Variants in SMYD1 observed in about 807,000 individuals in gnomAD.
SMYD1 encodes histone-lysine N-methyltransferase SMYD1.
In SMYD1, 49 loss-of-function variants were observed where a neutral mutation model predicts 54.0. The observed-to-expected ratio is 0.91, with a 90% CI of 0.72 to 1.15. The LOEUF (loss-of-function observed/expected upper bound fraction) is 1.15, where lower values mean the gene tolerates loss of function less well. SMYD1 is among the 50% of genes most tolerant of loss of function. The pLI is 0.00. For missense variants in SMYD1, 653 were observed against 639.6 expected (o/e 1.02, Z -0.23); for synonymous variants, 269 against 234.2 (o/e 1.15, Z -1.36).
At chr2:88,071,274 C>T (rs1320551212) in intron 1 of SMYD1, among the ~76,000 whole-genome samples, 3 of 152,104 alleles carry the variant, frequency 2.0e-5, no homozygotes, top group Non-Finnish European at 4.4e-5. Flanking sequence ...ATTACTAGGC[C>T]AGTAATATAT....
Position 88,096,655 on chromosome 2 carries a change from T to G in SMYD1, c.759T>G (p.Ile253Met). Residue 253 changes from isoleucine to methionine, a missense_variant, in exon 6 of 10, where the codon ATT becomes ATG. Coordinates refer to ENST00000419482, the MANE Select transcript of SMYD1 (RefSeq NM_198274.4). ...SEGEELTVSY[I>M]DFLNVSEERK... Reference sequence around the variant, plus strand: ...GAGAGGAGCTGACTGTGTCCTATATTGACTTCCTCAACGTTAGTGAAGAAC... The same window carrying G: ...GAGAGGAGCTGACTGTGTCCTATATGGACTTCCTCAACGTTAGTGAAGAAC... The G allele has an allele frequency of 6.2e-7, 1 of 1,613,764 alleles. No homozygotes were observed. The highest frequency in any genetic ancestry group is 8.5e-7 in the Non-Finnish European group (1 of 1,179,834).
chr2:88,110,378 G>A lies in SMYD1; in HGVS notation c.1339G>A (p.Glu447Lys). ...LEAMRVQTEM[E>K]LRMFRQNEFM... ...GGCCATGCGGGTGCAGACGGAGATG[G>A]AGCTACGCATGTTCCGCCAGAACGA... The change falls in exon 10 of 10, where the codon GAG (glutamate) becomes AAG (lysine). Residue 447 changes from glutamate (E) to lysine (K), a missense_variant. Physicochemically the swap from Glu to Lys is moderately conservative, Grantham distance 56. Coordinates refer to ENST00000419482, the MANE Select transcript of SMYD1 (RefSeq NM_198274.4). 1 of 1,612,914 alleles carries A rather than the reference G, an allele frequency of 6.2e-7. No homozygotes were observed. The highest frequency in any genetic ancestry group is 1.1e-5 in the South Asian group (1 of 90,602).
At chr2:88,094,564 T>TCC (rs1048164456) in intron 5 of SMYD1, among the ~76,000 whole-genome samples, 3 of 152,128 alleles carry the variant, frequency 2.0e-5, no homozygotes, top group African/African-American at 4.8e-5. Flanking sequence ...TCCATTCCCC[T>TCC]CCCCCAATCT....
chr2:88,074,022 G>GGAAAGAGAGA (rs1323243489), intron 1 of SMYD1, among the ~76,000 whole-genome samples: 1 of 152,146 alleles, frequency 6.6e-6, no homozygotes, highest in Non-Finnish European at 1.5e-5. Flanking sequence ...AGGGAGGGAA[G>GGAAAGAGAGA]GAAAGAGAGA....
chr2:88,111,550 T>C lies in SMYD1; in HGVS notation c.*1038T>C, dbSNP rs1675022182. On this transcript the variant is annotated 3_prime_UTR_variant, in exon 10 of 10. Coordinates refer to ENST00000419482, the MANE Select transcript of SMYD1 (RefSeq NM_198274.4). ...AAGCTCCATTCTCAATACTGAATAA[T>C]TATTACTTCCCTTGTTGAGTTTCTT... 1 of 154,402 alleles carries C rather than the reference T, an allele frequency of 6.5e-6. No homozygotes were observed. Among genetic ancestry groups the C allele is most frequent in the African/African-American group, 2.4e-5 (1 of 41,444 alleles). The allele number at this position is 154,402 out of a possible 1,614,324, so 9.6% of individuals were successfully genotyped here.
At chr2:88,085,044 C>T (rs1674291394) in intron 2 of SMYD1, among the ~76,000 whole-genome samples, 1 of 151,988 alleles carries the variant, frequency 6.6e-6, no homozygotes, top group Non-Finnish European at 1.5e-5. Flanking sequence ...GCCACCATGC[C>T]CGGACAAGGG....
chr2:88,093,200 C>T (rs1186605040), intron 4 of SMYD1, among the ~76,000 whole-genome samples: 1 of 152,172 alleles, frequency 6.6e-6, no homozygotes, highest in African/African-American at 2.4e-5. Flanking sequence ...CATGTTTTTC[C>T]AGCACTCTGC....
chr2:88,091,310 G>A (rs956307044), intron 4 of SMYD1, among the ~76,000 whole-genome samples, 168 bp downstream of exon 4: 4 of 152,148 alleles, frequency 2.6e-5, no homozygotes, highest in African/African-American at 9.7e-5. Flanking sequence ...TGAGAGAAAG[G>A]CATCATGGAG....
intron 1 of SMYD1, among the ~76,000 whole-genome samples, chr2:88,070,381 C>G (rs1339565382): frequency 6.6e-6 from 1 of 152,076 alleles, no homozygotes; most frequent in Non-Finnish European, 1.5e-5. Context: ...CTCTTCCACA[C>G]AAATGTGGAG....
rs1360733672 is a variant in SMYD1, at chr2:88,110,668, T to G, written c.*156T>G. ...TGCCCTATGTTTCCCAGAGCCATTT[T>G]GGCTCAATTCAAGTCTATTCAATTC... On this transcript the variant is annotated 3_prime_UTR_variant, in exon 10 of 10. Coordinates refer to ENST00000419482, the MANE Select transcript of SMYD1 (RefSeq NM_198274.4). The G allele has an allele frequency of 1.0e-6, 1 of 977,222 alleles. No individual in the cohort carries two copies. The highest frequency in any genetic ancestry group is 2.0e-5 in the South Asian group (1 of 50,230). 60.5% of individuals were successfully genotyped at this position (977,222 alleles called of 1,614,324 possible).
chr2:88,079,756 G>A (rs1006004148), intron 1 of SMYD1, among the ~76,000 whole-genome samples: 3 of 152,174 alleles, frequency 2.0e-5, no homozygotes, highest in African/African-American at 7.2e-5. Flanking sequence ...AGGAGGCGGA[G>A]GTTGCAGTGA....
intron 2 of SMYD1, among the ~76,000 whole-genome samples, chr2:88,087,051 A>G (rs1318429573): frequency 7.7e-6 from 1 of 130,058 alleles, no homozygotes; most frequent in Non-Finnish European, 1.6e-5. Flanking sequence ...AAAAATAAAA[A>G]TAAATAAAGA....
intron 7 of SMYD1, among the ~76,000 whole-genome samples, chr2:88,104,245 C>T (rs1014467142): frequency 3.9e-5 from 6 of 152,178 alleles, no homozygotes; most frequent in Admixed American, 2.6e-4. Context: ...GGATTACAGG[C>T]GTGAGCCACT....
chr2:88,109,826 C>T (rs893274342), intron 9 of SMYD1, among the ~76,000 whole-genome samples: 1 of 152,134 alleles, frequency 6.6e-6, no homozygotes, highest in Admixed American at 6.5e-5. Flanking sequence ...AAAGGCAGAG[C>T]CTTTGTCAAT....
Position 88,087,103 on chromosome 2 carries a change from A to G in SMYD1, c.315-759A>G, listed in dbSNP as rs925550220. Among the ~76,000 whole-genome samples the G allele has an allele frequency of 3.4e-5, 5 of 148,402 alleles. No individual in the cohort carries two copies. The East Asian group carries it at 1.0e-3, about 30-fold the overall frequency. On this transcript the variant is annotated intron_variant, in intron 2 of 9. Coordinates refer to ENST00000419482, the MANE Select transcript of SMYD1 (RefSeq NM_198274.4). ...CCAAAAAAAAAAAAAAAAAAAGAAT[A>G]CCAATACTTTCACACACAATGCAGA...
intron 7 of SMYD1, among the ~76,000 whole-genome samples, chr2:88,105,087 T>C (rs1490574164): frequency 6.6e-6 from 1 of 152,190 alleles, no homozygotes; most frequent in Non-Finnish European, 1.5e-5. Flanking sequence ...ATATTTGGTT[T>C]CAATTGGTCT....
chr2:88,079,714 G>A (rs970067313), intron 1 of SMYD1, among the ~76,000 whole-genome samples: 8 of 152,124 alleles, frequency 5.3e-5, no homozygotes, highest in Non-Finnish European at 1.2e-4. Context: ...CCAGCTACTC[G>A]GGAGGCTGAG....
At chr2:88,076,351 A>T (rs1359918678) in intron 1 of SMYD1, among the ~76,000 whole-genome samples, 1 of 152,122 alleles carries the variant, frequency 6.6e-6, no homozygotes, top group African/African-American at 2.4e-5. Flanking sequence ...AGTAGCTGGG[A>T]CTACAGGCGC....
chr2:88,081,722 C>T (rs554943525), intron 1 of SMYD1, among the ~76,000 whole-genome samples: 13 of 152,304 alleles, frequency 8.5e-5, no homozygotes, highest in Admixed American at 5.2e-4. Flanking sequence ...AGGTGTGAGC[C>T]ACTGCACCCG....
Sources: allele counts gnomAD v4.1 joint callset (sites outside exome capture counted in the v4.1 genomes callset), GRCh38; gene constraint gnomAD v4.1.1; transcripts MANE v1.5; gene names NCBI Gene and HGNC (gene_info 2026-07-23, HGNC 2026-07-21).